Variants in MGAM2 observed in about 807,000 individuals in gnomAD.
MGAM2 encodes maltase-glucoamylase 2 (putative), also known as probable maltase-glucoamylase 2.
Under a neutral mutation model 96.1 loss-of-function variants are expected in MGAM2, and 98 were observed. The observed-to-expected ratio is 1.02, with a 90% CI of 0.87 to 1.21. MGAM2 has a LOEUF of 1.21. Ranked by LOEUF, MGAM2 falls within the 50% of genes most tolerant of loss-of-function variation. The probability of loss-of-function intolerance (pLI) is 0.00; values close to 1 mark genes in which losing one functional copy is unlikely to be tolerated. For missense variants in MGAM2, 2,055 were observed against 1,182.4 expected (o/e 1.74, Z -10.82); for synonymous variants, 749 against 414.8 (o/e 1.81, Z -9.79).
At chr7:142,116,635 A>G (rs890687960) in intron 1 of MGAM2, among the ~76,000 whole-genome samples, 1 of 152,228 alleles carries the variant, frequency 6.6e-6, no homozygotes, top group Non-Finnish European at 1.5e-5. Context: ...TTCCTTGGAC[A>G]ATCCTCAGTT....
chr7:142,153,116 C>G (rs1465474441), intron 15 of MGAM2, among the ~76,000 whole-genome samples: 2 of 150,974 alleles, frequency 1.3e-5, no homozygotes, highest in Admixed American at 1.3e-4. Flanking sequence ...CTGCCTCAGT[C>G]TTCTGAGTAT....
chr7:142,137,833 A>T (rs558485527), intron 9 of MGAM2, among the ~76,000 whole-genome samples: 2 of 152,320 alleles, frequency 1.3e-5, no homozygotes, highest in East Asian at 3.9e-4. Context: ...AGCAAAGCTT[A>T]TTCATTCAAT....
chr7:142,141,474 G>A (rs1795227303), intron 12 of MGAM2, among the ~76,000 whole-genome samples: 1 of 151,850 alleles, frequency 6.6e-6, no homozygotes, highest in Non-Finnish European at 1.5e-5. Flanking sequence ...ACTGATCTCA[G>A]CTAATATATT....
intron 6 of MGAM2, among the ~76,000 whole-genome samples, chr7:142,132,522 A>C (rs1231915881): frequency 7.3e-6 from 1 of 136,120 alleles, no homozygotes; most frequent in African/African-American, 2.7e-5. Context: ...ATTTAAATGT[A>C]ATTTAAAATA....
chr7:142,144,141 T>C (rs1795316491), intron 13 of MGAM2, among the ~76,000 whole-genome samples: 1 of 152,202 alleles, frequency 6.6e-6, no homozygotes, highest in Non-Finnish European at 1.5e-5. Flanking sequence ...TAACTGGTTG[T>C]CAGCTTAAAA....
intron 16 of MGAM2, 133 bp from the exon 17 acceptor site, chr7:142,154,596 C>T (rs1795679901): frequency 1.6e-6 from 1 of 614,190 alleles, no homozygotes. Flanking sequence ...GGAGTGTGCC[C>T]TGTGACTCTG....
At chr7:142,139,659 C>CA (rs765007343) in intron 10 of MGAM2, among the ~76,000 whole-genome samples, 4,057 of 53,962 alleles carry the variant, frequency 0.075, 129 homozygotes, top group African/African-American at 0.13. Flanking sequence ...GGCTCTATCT[C>CA]AAAAAAAAAA....
rs117778140 is a variant in MGAM2 at position 142,170,519 on chromosome 7, G to A, written c.3182+290G>A. 6.8e-3 allele frequency among the ~76,000 whole-genome samples: 1,041 copies of A among 152,212 alleles called. 4 individuals are homozygous for A. The highest frequency in any genetic ancestry group is 0.011 in the Non-Finnish European group (760 of 67,994). ...AGAACAGAAAACTCTAATAAGTACAGCAGATAACCTAAGATACAAATGAGT... is the reference window on the plus strand; with the variant it reads ...AGAACAGAAAACTCTAATAAGTACAACAGATAACCTAAGATACAAATGAGT... On this transcript the variant is annotated intron_variant, in intron 27 of 47. Transcript: ENST00000477922.
At chr7:142,188,139 C>G (rs894279318) in intron 36 of MGAM2, among the ~76,000 whole-genome samples, 3 of 151,878 alleles carry the variant, frequency 2.0e-5, no homozygotes, top group African/African-American at 7.3e-5. Flanking sequence ...CACACACACA[C>G]ACACACACAC....
rs955485643 is a variant in MGAM2, at chr7:142,120,188, A to G, written c.107-114A>G. 20 of 618,224 alleles carry G rather than the reference A, an allele frequency of 3.2e-5. No individual in the cohort carries two copies. In the Admixed American group the frequency reaches 4.3e-4, roughly 13 times the overall value. 38.3% of individuals were successfully genotyped at this position (618,224 alleles called of 1,614,324 possible). A position where few individuals can be genotyped will look rare whatever the true frequency, so the allele number is the denominator to read the frequency against. On this transcript the variant is annotated intron_variant, in intron 2 of 47. Transcript: ENST00000477922. Reference sequence around the variant, plus strand: ...TTGTATGCAAATGTAGATACCAGCTACCGGTGATCTGTTGTGTGGAGAATT... The same window carrying G: ...TTGTATGCAAATGTAGATACCAGCTGCCGGTGATCTGTTGTGTGGAGAATT...
At chr7:142,219,737 A>G in intron 47 of MGAM2, 133 bp from the exon 48 acceptor site, 1 of 594,580 alleles carries the variant, frequency 1.7e-6, no homozygotes, top group Admixed American at 3.0e-5. Flanking sequence ...TAACCCAAAA[A>G]GGAATGTTTA....
chr7:142,149,816 C>G (rs1237717938), intron 15 of MGAM2, among the ~76,000 whole-genome samples: 3 of 152,174 alleles, frequency 2.0e-5, no homozygotes, highest in African/African-American at 7.2e-5. Flanking sequence ...GCTGGGATTA[C>G]AGGCGTGAGC....
chr7:142,128,259 G>A (rs1379695657), intron 3 of MGAM2, among the ~76,000 whole-genome samples: 1 of 152,178 alleles, frequency 6.6e-6, no homozygotes, highest in Non-Finnish European at 1.5e-5. Flanking sequence ...TTCAGCTTAT[G>A]TATTCATGAA....
chr7:142,219,806 G>C (rs1797864315), intron 47 of MGAM2, 64 bp from the exon 48 acceptor site: 2 of 616,608 alleles, frequency 3.2e-6, no homozygotes, highest in Non-Finnish European at 5.8e-6. Context: ...AATTTAAGAG[G>C]TGAGCTACAT....
intron 23 of MGAM2, among the ~76,000 whole-genome samples, chr7:142,162,249 G>A (rs1332289341): frequency 6.6e-6 from 1 of 151,970 alleles, no homozygotes; most frequent in East Asian, 1.9e-4. Context: ...TTACCTTTGA[G>A]TTTTATGTGA....
In MGAM2 at chr7:142,197,707, A is replaced by C; in HGVS notation, c.4845A>C (p.Leu1615Phe). 1 of 702,990 alleles carries C rather than the reference A, an allele frequency of 1.4e-6. No homozygotes were observed. The highest frequency in any genetic ancestry group is 2.6e-6 in the Non-Finnish European group (1 of 384,996). 43.5% of individuals were successfully genotyped at this position (702,990 alleles called of 1,614,324 possible). ...DRQFMLGPAI[L>F]ISPVLETSTF... is the part of the protein sequence containing the mutation. Reference sequence around the variant, plus strand: ...AGTTCATGTTGGGCCCTGCTATCTTAATCAGCCCTGTGTTGGAAACTGTGA... The same window carrying C: ...AGTTCATGTTGGGCCCTGCTATCTTCATCAGCCCTGTGTTGGAAACTGTGA... The change falls in exon 42 of 48, where the codon TTA becomes TTC. Residue 1615 changes from leucine (L) to phenylalanine (F), a missense_variant. Coordinates refer to ENST00000477922, the MANE Select transcript of MGAM2 (RefSeq NM_001293626.2).
At chr7:142,205,361 A>G (rs1051871492) in intron 45 of MGAM2, among the ~76,000 whole-genome samples, 2 of 152,100 alleles carry the variant, frequency 1.3e-5, no homozygotes, top group Non-Finnish European at 2.9e-5. Context: ...TGGTAACTCT[A>G]TGTTTAACTG....
intron 37 of MGAM2, among the ~76,000 whole-genome samples, chr7:142,193,798 A>G (rs550843525): frequency 6.6e-6 from 1 of 152,012 alleles, no homozygotes; most frequent in South Asian, 2.1e-4. Context: ...TCTTCACACC[A>G]TGTAGCTTTT....
intron 12 of MGAM2, among the ~76,000 whole-genome samples, chr7:142,143,286 A>T (rs985195483): frequency 1.2e-4 from 18 of 152,200 alleles, no homozygotes; most frequent in Admixed American, 1.2e-3. Flanking sequence ...GGTAGAATTT[A>T]AAAAATGACC....
Sources: allele counts gnomAD v4.1 joint callset (sites outside exome capture counted in the v4.1 genomes callset), GRCh38; gene constraint gnomAD v4.1.1; transcripts MANE v1.5; gene names NCBI Gene and HGNC (gene_info 2026-07-23, HGNC 2026-07-21).